Variants in CCDC82 observed in about 807,000 individuals in gnomAD.
The protein encoded by CCDC82 is coiled-coil domain containing 82.
A neutral mutation model predicts 60.6 loss-of-function variants in CCDC82; 47 were observed. The observed-to-expected ratio is 0.77, with a 90% CI of 0.61 to 0.99. The LOEUF (loss-of-function observed/expected upper bound fraction) is 0.99, where lower values mean the gene tolerates loss of function less well. Ranked by LOEUF, CCDC82 falls within the 50% of genes least tolerant of loss-of-function variation. The pLI, the probability that CCDC82 is intolerant of heterozygous loss-of-function variation, is 0.00. For synonymous variants in CCDC82, 212 were observed against 207.4 expected (o/e 1.02, Z -0.19); for missense variants, 588 against 633.0 (o/e 0.93, Z 0.76).
At chr11:96,358,536 G>A in intron 9 of CCDC82, 1 of 1,234,248 alleles carries the variant, frequency 8.1e-7, no homozygotes, top group Non-Finnish European at 1.0e-6. Context: ...AGAAGAGGAT[G>A]TGGGTGTATT....
At chr11:96,380,246 T>C (rs76859699) in intron 5 of CCDC82, among the ~76,000 whole-genome samples, 2,323 of 151,692 alleles carry the variant, frequency 0.015, 72 homozygotes, top group African/African-American at 0.053. Context: ...TAGTAGCTAA[T>C]GGAACATGCC....
intron 9 of CCDC82, chr11:96,358,360 G>A: frequency 1.6e-6 from 2 of 1,216,964 alleles, no homozygotes; most frequent in Non-Finnish European, 1.0e-6. Flanking sequence ...GCTGCCAGCA[G>A]ATCTTCGGGA....
intron 7 of CCDC82, among the ~76,000 whole-genome samples, chr11:96,366,120 T>C (rs1281634572): frequency 6.6e-6 from 1 of 152,224 alleles, no homozygotes; most frequent in African/African-American, 2.4e-5. Flanking sequence ...GCTTCTGCTA[T>C]ACCCCATGGA....
intron 7 of CCDC82, among the ~76,000 whole-genome samples, chr11:96,368,369 C>T (rs1293373921): frequency 1.3e-5 from 2 of 152,010 alleles, no homozygotes; most frequent in East Asian, 3.9e-4. Flanking sequence ...AACAGATGTG[C>T]TATCATTCAG....
intron 9 of CCDC82, chr11:96,354,212 T>G (rs967933357): frequency 6.6e-6 from 1 of 152,278 alleles, no homozygotes; most frequent in East Asian, 1.9e-4. Context: ...CATGGTTAGT[T>G]GAGGTAAGCA....
At chr11:96,353,874 CTAACTCATATA>C (rs1296482040) in intron 9 of CCDC82, 160 bp from the exon 10 acceptor site, 1 of 543,932 alleles carries the variant, frequency 1.8e-6, no homozygotes, top group Middle Eastern at 4.0e-4. Context: ...ATAAGCATTC[CTAACTCATATA>C]TAACTCATAT....
In CCDC82 at chr11:96,353,579, C is replaced by A. The variant is rs916619228; in HGVS notation, c.*67G>T. On this transcript the variant is annotated 3_prime_UTR_variant, in exon 10 of 10. Coordinates refer to ENST00000646818, the MANE Select transcript of CCDC82 (RefSeq NM_024725.4). ...AAATGTACAAACATGTCACATGATA[C>A]AGAAAAACAAGAATCATGATCTTCA... The A allele has an allele frequency of 4.2e-6, 5 of 1,186,698 alleles. No individual in the cohort carries two copies. The highest frequency in any genetic ancestry group is 6.3e-6 in the Non-Finnish European group (5 of 799,890). 73.5% of individuals were successfully genotyped at this position (1,186,698 alleles called of 1,614,324 possible).
At chr11:96,380,520 A>G (rs1286461475) in intron 5 of CCDC82, 1 of 151,834 alleles carries the variant, frequency 6.6e-6, no homozygotes, top group Non-Finnish European at 1.5e-5. Context: ...ATGTCCATAG[A>G]AAAACCTGCA....
intron 6 of CCDC82, among the ~76,000 whole-genome samples, chr11:96,371,431 A>C (rs1030942995): frequency 8.6e-5 from 13 of 151,956 alleles, no homozygotes; most frequent in Middle Eastern, 3.2e-3. Context: ...AAATACAAAA[A>C]ATTAGCCAGG....
chr11:96,385,003 A>G (rs1339654305), intron 3 of CCDC82: 3 of 318,822 alleles, frequency 9.4e-6, no homozygotes, highest in Admixed American at 4.5e-5. Context: ...AGGGATACAT[A>G]GAAAAATCAT....
At chr11:96,358,077 C>T (rs1220123384) in intron 9 of CCDC82, 1 of 985,276 alleles carries the variant, frequency 1.0e-6, no homozygotes, top group Non-Finnish European at 1.2e-6. Context: ...GTTTTGTTTT[C>T]TTTCCATCTG....
intron 9 of CCDC82, chr11:96,354,620 G>A (rs931730056): frequency 6.6e-6 from 1 of 152,154 alleles, no homozygotes; most frequent in Non-Finnish European, 1.5e-5. Context: ...CTGAGTCATG[G>A]CAATGAAGAT....
Position 96,383,341 on chromosome 11 carries a change from C to T in CCDC82, c.919G>A (p.Glu307Lys), listed in dbSNP as rs780050369. ...TCTCCTTGTTGGTTTTTATTCTCTT[C>T]ATCACCCTCCTCATCTTGCACTACA... ...DFVVQDEEGD[E>K]ENKNQQGEKL... The change falls in exon 5 of 10, where the codon GAA becomes AAA. Residue 307 changes from glutamate to lysine, a missense_variant. Coordinates refer to ENST00000646818, the MANE Select transcript of CCDC82 (RefSeq NM_024725.4). 4 of 1,607,068 alleles carry T rather than the reference C, an allele frequency of 2.5e-6. No individual in the cohort carries two copies. The highest frequency in any genetic ancestry group is 1.1e-5 in the South Asian group (1 of 90,730).
chr11:96,364,919 G>A (rs1378530416), intron 8 of CCDC82, 61 bp downstream of exon 8: 2 of 1,459,202 alleles, frequency 1.4e-6, no homozygotes, highest in Admixed American at 4.4e-5. Flanking sequence ...GGATACTTAG[G>A]ATTATTTATG....
intron 3 of CCDC82, 147 bp from the exon 4 acceptor site, chr11:96,384,908 C>A: frequency 1.9e-6 from 1 of 531,756 alleles, no homozygotes; most frequent in Non-Finnish European, 3.2e-6. Context: ...GATGGTAGAA[C>A]ATTAATTTAA....
At chr11:96,360,697 A>G (rs7948558) in intron 8 of CCDC82, among the ~76,000 whole-genome samples, 1 of 152,188 alleles carries the variant, frequency 6.6e-6, no homozygotes, top group South Asian at 2.1e-4. Flanking sequence ...ATATTTATCT[A>G]TGCAACTTGT....
chr11:96,371,272 C>G lies in CCDC82; in HGVS notation c.1085-135G>C, dbSNP rs1257580317. The G allele has an allele frequency of 6.8e-6, 4 of 591,898 alleles. No individual in the cohort carries two copies. In the South Asian group the frequency reaches 1.4e-4, roughly 21 times the overall value. 36.7% of individuals were successfully genotyped at this position (591,898 alleles called of 1,614,324 possible). A position where few individuals can be genotyped will look rare whatever the true frequency, so the allele number is the denominator to read the frequency against. On this transcript the variant is annotated intron_variant, in intron 6 of 9. Transcript: ENST00000646818. ...GAAAAAAAATATTTAAAAAATCATTCCATCAGAACATTAAGGAAAAACAGG... is the reference window on the plus strand; with the variant it reads ...GAAAAAAAATATTTAAAAAATCATTGCATCAGAACATTAAGGAAAAACAGG...
intron 9 of CCDC82, chr11:96,355,539 CT>C (rs1327895579): frequency 6.6e-6 from 1 of 152,092 alleles, no homozygotes; most frequent in African/African-American, 2.4e-5. Flanking sequence ...GTTTTTGTTC[CT>C]ACTTTACAGA....
In CCDC82 at chr11:96,384,451, A is replaced by G. The variant is rs937052978; in HGVS notation, c.297T>C (p.Cys99=). Residue 99 remains cysteine, a synonymous_variant, in exon 4 of 10, where the codon TGT becomes TGC. Transcript: ENST00000646818. ...KIQSEGNDSK[C]LINSGNGSTY... ...TTGAACCGTTGCCAGAGTTAATGAGACACTTACTGTCATTTCCTTCACTTT... is the reference window on the plus strand; with the variant it reads ...TTGAACCGTTGCCAGAGTTAATGAGGCACTTACTGTCATTTCCTTCACTTT... 55 of 1,613,666 alleles carry G rather than the reference A, an allele frequency of 3.4e-5. No homozygotes were observed. The highest frequency in any genetic ancestry group is 3.9e-5 in the Non-Finnish European group (46 of 1,179,820).
Sources: gnomAD v4.1 joint callset for allele counts (sites outside exome capture counted in the v4.1 genomes callset) on GRCh38, gnomAD v4.1.1 for gene constraint, MANE v1.5 for transcripts, NCBI Gene and HGNC (gene_info 2026-07-23, HGNC 2026-07-21) for gene names.